Variants in DIP2B observed in about 807,000 individuals in gnomAD.
DIP2B encodes the protein DIP2 acetate--CoA ligase B (putative).
A neutral mutation model predicts 198.0 loss-of-function variants in DIP2B; 76 were observed. The ratio of observed to expected loss-of-function variants is 0.38; its 90% confidence interval spans 0.32 to 0.46. The LOEUF is 0.46. Among genes scored for constraint, DIP2B ranks in the 20% least tolerant of loss-of-function variants. DIP2B has a pLI of 0.99. For missense variants in DIP2B, 1,559 were observed against 1,978.4 expected, an observed-to-expected ratio of 0.79 and a Z score of 4.02; for synonymous variants, 701 against 739.1, an observed-to-expected ratio of 0.95 and a Z score of 0.84.
chr12:50,724,781 A>G lies in DIP2B; in HGVS notation c.3295A>G (p.Lys1099Glu). The change falls in exon 28 of 38, where the codon AAA becomes GAA. Residue 1099 changes from lysine to glutamate, a missense_variant. Transcript: ENST00000301180. ...PTVRMIVDVSKAACILTSQTL... is the reference protein window; with the variant it reads ...PTVRMIVDVSEAACILTSQTL... ...CTGTCCATTTGTTTTCTAGGTCAGC[A>G]AAGCAGCCTGTATTCTCACCAGTCA... 2 of 1,614,092 alleles carry G rather than the reference A, an allele frequency of 1.2e-6. No homozygotes were observed. The highest frequency in any genetic ancestry group is 1.7e-6 in the Non-Finnish European group (2 of 1,179,982).
chr12:50,537,307 G>T (rs1459784764), intron 1 of DIP2B, among the ~76,000 whole-genome samples: 1 of 151,666 alleles, frequency 6.6e-6, no homozygotes, highest in African/African-American at 2.4e-5. Flanking sequence ...CTTCCCAGAG[G>T]CTAGAAACCA....
chr12:50,672,413 T>C (rs943835718), intron 5 of DIP2B, among the ~76,000 whole-genome samples: 2 of 152,120 alleles, frequency 1.3e-5, no homozygotes, highest in African/African-American at 4.8e-5. Context: ...ATTCACCACC[T>C]CTCCAGTCGT....
chr12:50,701,435 G>A (rs1166393974), intron 19 of DIP2B, among the ~76,000 whole-genome samples: 2 of 152,234 alleles, frequency 1.3e-5, no homozygotes, highest in African/African-American at 4.8e-5. Flanking sequence ...CAGGCGGAGT[G>A]CAGTGGTGCA....
At chr12:50,585,933 C>A (rs1958766538) in intron 1 of DIP2B, among the ~76,000 whole-genome samples, 1 of 152,208 alleles carries the variant, frequency 6.6e-6, no homozygotes, top group African/African-American at 2.4e-5. Flanking sequence ...AGGATCTTAT[C>A]TGTCTGTTCA....
At chr12:50,602,886 G>A (rs868126765) in intron 1 of DIP2B, among the ~76,000 whole-genome samples, 18 of 138,314 alleles carry the variant, frequency 1.3e-4, no homozygotes, top group African/African-American at 3.5e-4. Context: ...AAAAATTGGC[G>A]GGGCGCGGTG....
chr12:50,511,930 G>C, intron 1 of DIP2B, among the ~76,000 whole-genome samples: 1 of 112,704 alleles, frequency 8.9e-6, no homozygotes, highest in South Asian at 3.3e-4. Flanking sequence ...CCTGGCAACA[G>C]AGCAAGACTC....
At chr12:50,738,641 C>T (rs757975743) in intron 35 of DIP2B, among the ~76,000 whole-genome samples, 44 of 152,264 alleles carry the variant, frequency 2.9e-4, no homozygotes, top group Non-Finnish European at 3.1e-4. Context: ...CACACCACCA[C>T]GCCTGGCTAA....
intron 4 of DIP2B, among the ~76,000 whole-genome samples, chr12:50,667,126 C>G (rs769655260): frequency 2.0e-5 from 3 of 152,110 alleles, no homozygotes; most frequent in African/African-American, 4.8e-5. Flanking sequence ...GCCTCAACCT[C>G]CCAAAGTGCT....
At chr12:50,626,940 T>G (rs907570235) in intron 2 of DIP2B, among the ~76,000 whole-genome samples, 3 of 152,230 alleles carry the variant, frequency 2.0e-5, no homozygotes, top group African/African-American at 7.2e-5. Context: ...TTCTTTGATG[T>G]GCTTGTTTTA....
intron 1 of DIP2B, among the ~76,000 whole-genome samples, chr12:50,595,606 G>T (rs1203645526): frequency 6.6e-6 from 1 of 152,152 alleles, no homozygotes; most frequent in Non-Finnish European, 1.5e-5. Context: ...AGCCCAGCCA[G>T]TTTTTTATTA....
rs903379483 is a variant in DIP2B at position 50,748,146 on chromosome 12, A to T, written c.*3307A>T. 1 of 152,662 alleles carries T rather than the reference A, an allele frequency of 6.6e-6. No individual in the cohort carries two copies. The highest frequency in any genetic ancestry group is 6.5e-5 in the Admixed American group (1 of 15,286). The allele number at this position is 152,662 out of a possible 1,614,324, so 9.5% of individuals were successfully genotyped here. On this transcript the variant is annotated 3_prime_UTR_variant, in exon 38 of 38. Coordinates refer to ENST00000301180, the MANE Select transcript of DIP2B (RefSeq NM_173602.3). ...TTCTATTAAGGTCTCTGCCCCAGGC[A>T]TGGTGCTCTATATCTTGGCCAAATA...
At chr12:50,616,449 G>C (rs1365984235) in intron 1 of DIP2B, among the ~76,000 whole-genome samples, 1 of 152,208 alleles carries the variant, frequency 6.6e-6, no homozygotes, top group African/African-American at 2.4e-5. Flanking sequence ...TCAACAGATT[G>C]TAGTAGTTTA....
At chr12:50,691,264 C>G in intron 13 of DIP2B, 113 bp downstream of exon 13, 1 of 927,662 alleles carries the variant, frequency 1.1e-6, no homozygotes, top group African/African-American at 1.7e-5. Flanking sequence ...GTGAAATGTC[C>G]CAAGACACAT....
chr12:50,709,414 C>T lies in DIP2B; in HGVS notation c.2649+852C>T, dbSNP rs144396459. 8.4e-3 allele frequency among the ~76,000 whole-genome samples: 1,277 copies of T among 151,928 alleles called. 28 individuals are homozygous for T. Among genetic ancestry groups the T allele is most frequent in the African/African-American group, 0.028 (1,177 of 41,400 alleles). Reference sequence around the variant, plus strand: ...TTGGGAGGCCGAGATGGGCGGATCACGAGGTCAGGAGATCGAGACCATCCT... The same window carrying T: ...TTGGGAGGCCGAGATGGGCGGATCATGAGGTCAGGAGATCGAGACCATCCT... On this transcript the variant is annotated intron_variant, in intron 22 of 37. Transcript: ENST00000301180.
chr12:50,603,432 G>T (rs1387586768), intron 1 of DIP2B, among the ~76,000 whole-genome samples: 3 of 152,072 alleles, frequency 2.0e-5, no homozygotes, highest in African/African-American at 7.2e-5. Context: ...AGGTATTTGA[G>T]AATTGAGTCT....
At position 50,511,291 on chromosome 12, in the gene DIP2B, ATTTTTTTTT is replaced by A. The variant is rs71083581; in HGVS notation, c.100+6064_100+6072del. 1.1e-4 allele frequency among the ~76,000 whole-genome samples: 7 copies of A among 64,666 alleles called. No homozygotes were observed. In the Admixed American group the frequency reaches 1.1e-3, roughly 10 times the overall value. The allele number at this position is 64,666 out of a possible 152,430, so 42.4% of individuals were successfully genotyped here. On this transcript the variant is annotated intron_variant, in intron 1 of 37. Coordinates refer to ENST00000301180, the MANE Select transcript of DIP2B (RefSeq NM_173602.3). ...CCTATCCCTGACCAGTGTGATTTCT[ATTTTTTTTT>A]TTTTTTTTTTTTGAGACAGGGTCTC...
At chr12:50,608,103 T>C (rs1958999795) in intron 1 of DIP2B, among the ~76,000 whole-genome samples, 1 of 152,192 alleles carries the variant, frequency 6.6e-6, no homozygotes, top group Non-Finnish European at 1.5e-5. Flanking sequence ...ACAATTTGCT[T>C]ATTTTCAAAT....
rs2139601754 is a variant in DIP2B, at chr12:50,735,138, G to A, written c.4101+8G>A. 6.2e-7 allele frequency: 1 copy of A among 1,614,146 alleles called. No individual in the cohort carries two copies. The stretch of plus-strand genomic sequence containing the variant: ...CTCTCAGAGTCTGGAAAGGTAATTT[G>A]TTCTGTTGACCATGGGGAAGGTGGG... On this transcript the variant is annotated splice_region_variant and intron_variant, in intron 34 of 37. Transcript: ENST00000301180.
At chr12:50,701,247 GT>G (rs1380808290) in intron 19 of DIP2B, among the ~76,000 whole-genome samples, 1 of 152,192 alleles carries the variant, frequency 6.6e-6, no homozygotes, top group Non-Finnish European at 1.5e-5. Context: ...TAGTATCTGG[GT>G]TTTCCAAATT....
Sources: gnomAD v4.1 joint callset for allele counts (sites outside exome capture counted in the v4.1 genomes callset) on GRCh38, gnomAD v4.1.1 for gene constraint, MANE v1.5 for transcripts, NCBI Gene and HGNC (gene_info 2026-07-23, HGNC 2026-07-21) for gene names.